Variants in FSTL5 observed in about 807,000 individuals in gnomAD.
FSTL5 encodes the protein follistatin like 5, also known as follistatin-related protein 5.
In FSTL5, 62 loss-of-function variants were observed where a neutral mutation model predicts 89.1. That is an observed-to-expected ratio of 0.70 (90% confidence interval 0.57 to 0.86). The LOEUF (loss-of-function observed/expected upper bound fraction) is 0.86, where lower values mean the gene tolerates loss of function less well. Among genes scored for constraint, FSTL5 ranks in the 40% least tolerant of loss-of-function variants. FSTL5 has a pLI of 0.00. For missense variants in FSTL5, 1,057 were observed against 1,001.6 expected, an observed-to-expected ratio of 1.06 and a Z score of -0.75; for synonymous variants, 383 against 346.2, an observed-to-expected ratio of 1.11 and a Z score of -1.18.
chr4:161,639,184 T>A lies in FSTL5; in HGVS notation c.894+17144A>T, dbSNP rs572382747. 3.3e-4 allele frequency among the ~76,000 whole-genome samples: 50 copies of A among 152,100 alleles called. No individual in the cohort carries two copies. In the South Asian group the frequency reaches 6.4e-3, roughly 20 times the overall value. ...TAAACCACTATAAATTTCCTCTTAGTTCTGAAAAAAAAAATTGGAGCAGAT... is the reference window on the plus strand; with the variant it reads ...TAAACCACTATAAATTTCCTCTTAGATCTGAAAAAAAAAATTGGAGCAGAT... On this transcript the variant is annotated intron_variant, in intron 7 of 15. Coordinates refer to ENST00000306100, the MANE Select transcript of FSTL5 (RefSeq NM_020116.5).
intron 15 of FSTL5, among the ~76,000 whole-genome samples, chr4:161,426,838 C>T (rs893969181): frequency 6.6e-6 from 1 of 152,154 alleles, no homozygotes; most frequent in Non-Finnish European, 1.5e-5. Context: ...ACACTTAAAA[C>T]GTTTGCCAAC....
chr4:161,589,715 A>G (rs1733739673), intron 7 of FSTL5, among the ~76,000 whole-genome samples: 1 of 152,086 alleles, frequency 6.6e-6, no homozygotes, highest in Non-Finnish European at 1.5e-5. Context: ...CAGTTTGACT[A>G]AAAAACCTTA....
intron 6 of FSTL5, among the ~76,000 whole-genome samples, chr4:161,699,767 T>G (rs1442126793): frequency 6.6e-6 from 1 of 152,196 alleles, no homozygotes; most frequent in African/African-American, 2.4e-5. Context: ...GTATTTTTTT[T>G]GTGGGACTTG....
chr4:161,619,670 A>C (rs1481744374), intron 7 of FSTL5, among the ~76,000 whole-genome samples: 2 of 152,176 alleles, frequency 1.3e-5, no homozygotes, highest in Non-Finnish European at 2.9e-5. Flanking sequence ...AATGGCAATC[A>C]TTAAAAAGTC....
At chr4:161,611,908 T>A (rs1250430222) in intron 7 of FSTL5, among the ~76,000 whole-genome samples, 1 of 152,146 alleles carries the variant, frequency 6.6e-6, no homozygotes, top group African/African-American at 2.4e-5. Context: ...TAGTTAAAAC[T>A]GCGGATGTCA....
rs932640151 is a variant in FSTL5 at position 162,030,613 on chromosome 4, C to T, written c.160+3012G>A. 5.3e-5 allele frequency among the ~76,000 whole-genome samples: 8 copies of T among 152,100 alleles called. No homozygotes were observed. In the South Asian group the frequency reaches 1.0e-3, roughly 20 times the overall value. On this transcript the variant is annotated intron_variant, in intron 3 of 15. Coordinates refer to ENST00000306100, the MANE Select transcript of FSTL5 (RefSeq NM_020116.5). ...GGACAGTCCAACATCCTTTTATTTA[C>T]GGAGAAGGGTAAGGCTGATACTGAG...
chr4:161,681,837 G>T (rs533566275), intron 6 of FSTL5, among the ~76,000 whole-genome samples: 160 of 152,166 alleles, frequency 1.1e-3, no homozygotes, highest in Non-Finnish European at 1.5e-3. Flanking sequence ...ATCATTGCGG[G>T]AAGGTGTTAT....
At chr4:161,705,989 TATATATACAC>T (rs1197309517) in intron 6 of FSTL5, among the ~76,000 whole-genome samples, 12 of 93,572 alleles carry the variant, frequency 1.3e-4, no homozygotes, top group African/African-American at 4.6e-4. Context: ...TATATATATA[TATATATACAC>T]ACATCTACAC....
rs561967753 is a variant in FSTL5 at position 161,616,766 on chromosome 4, C to T, written c.895-29191G>A. Among the ~76,000 whole-genome samples the T allele has an allele frequency of 4.6e-5, 7 of 151,750 alleles. No homozygotes were observed. In the East Asian group the frequency reaches 5.8e-4, roughly 13 times the overall value. ...AGGTGGCATGCAGAGCTTAATACATCGGTGACGAGTGGATAGGTGCAGCAA... is the reference window on the plus strand; with the variant it reads ...AGGTGGCATGCAGAGCTTAATACATTGGTGACGAGTGGATAGGTGCAGCAA... On this transcript the variant is annotated intron_variant, in intron 7 of 15. Transcript: ENST00000306100.
chr4:161,680,199 C>T (rs1489575320), intron 6 of FSTL5, among the ~76,000 whole-genome samples: 1 of 151,492 alleles, frequency 6.6e-6, no homozygotes, highest in African/African-American at 2.4e-5. Context: ...AGTTTAAGTA[C>T]CTAGTGCTTT....
rs553540235 is a variant in FSTL5 at position 161,501,172 on chromosome 4, A to T, written c.1340-1038T>A. 3.3e-5 allele frequency among the ~76,000 whole-genome samples: 5 copies of T among 152,338 alleles called. No homozygotes were observed. In the South Asian group the frequency reaches 6.2e-4, roughly 19 times the overall value. The stretch of plus-strand genomic sequence containing the variant: ...AAACCATTGTTCTTACAATGTTTAC[A>T]TTCTAAAAACATCTGTAAAGAGAAA... On this transcript the variant is annotated intron_variant, in intron 11 of 15. Transcript: ENST00000306100.
chr4:161,956,645 A>G (rs902608194), intron 3 of FSTL5, among the ~76,000 whole-genome samples: 1 of 151,986 alleles, frequency 6.6e-6, no homozygotes, highest in Non-Finnish European at 1.5e-5. Context: ...ATGACAGCAT[A>G]TAACTTGGGG....
rs1267702879 is a variant in FSTL5, at chr4:161,779,821, A to ATGTATATATG, written c.410-3748_410-3747insCATATATACA. ...TATATATATATATATGTATATATAT[A>ATGTATATATG]TATATATATATATATGTATATAAAA... On this transcript the variant is annotated intron_variant, in intron 4 of 15. Transcript: ENST00000306100. 6.9e-4 allele frequency among the ~76,000 whole-genome samples: 44 copies of ATGTATATATG among 63,362 alleles called. 4 individuals are homozygous for ATGTATATATG. Among genetic ancestry groups the ATGTATATATG allele is most frequent in the Non-Finnish European group, 9.6e-4 (35 of 36,542 alleles). 41.6% of individuals were successfully genotyped at this position (63,362 alleles called of 152,430 possible).
At chr4:161,395,263 C>A (rs1560873727) in intron 15 of FSTL5, among the ~76,000 whole-genome samples, 1 of 151,656 alleles carries the variant, frequency 6.6e-6, no homozygotes, top group Non-Finnish European at 1.5e-5. Flanking sequence ...AACTGTAAAC[C>A]TACTGTTAAA....
At chr4:161,636,006 C>A (rs887916155) in intron 7 of FSTL5, among the ~76,000 whole-genome samples, 3 of 151,276 alleles carry the variant, frequency 2.0e-5, no homozygotes, top group African/African-American at 7.3e-5. Context: ...TTTTTGTTCC[C>A]TTGTGTAATT....
intron 4 of FSTL5, among the ~76,000 whole-genome samples, chr4:161,796,630 C>A (rs1421276916): frequency 6.6e-6 from 1 of 151,286 alleles, no homozygotes; most frequent in African/African-American, 2.4e-5. Context: ...GTTCTTTTTC[C>A]AGAAAGTTTT....
chr4:161,839,911 T>A (rs1731160286), intron 4 of FSTL5, among the ~76,000 whole-genome samples: 1 of 152,198 alleles, frequency 6.6e-6, no homozygotes, highest in Non-Finnish European at 1.5e-5. Context: ...TAAGTGTGAA[T>A]GAGTTTGCTT....
intron 4 of FSTL5, among the ~76,000 whole-genome samples, chr4:161,836,278 G>C (rs1380966594): frequency 1.5e-5 from 2 of 137,434 alleles, no homozygotes; most frequent in Admixed American, 8.2e-5. Context: ...CACAGGAAGG[G>C]GAACATCACA....
intron 15 of FSTL5, among the ~76,000 whole-genome samples, chr4:161,390,812 C>T (rs1161171826): frequency 1.3e-5 from 2 of 152,038 alleles, no homozygotes; most frequent in Non-Finnish European, 2.9e-5. Context: ...CATAGCACTG[C>T]CTGTCTCCAG....
Sources: allele counts gnomAD v4.1 joint callset (sites outside exome capture counted in the v4.1 genomes callset), GRCh38; gene constraint gnomAD v4.1.1; transcripts MANE v1.5; gene names NCBI Gene and HGNC (gene_info 2026-07-23, HGNC 2026-07-21).